The following RUNX1 variants were observed in gnomAD, a reference collection of about 807,000 sequenced individuals.
RUNX1 encodes runt-related transcription factor 1.
A neutral mutation model predicts 42.8 loss-of-function variants in RUNX1; 19 were observed. The ratio of observed to expected loss-of-function variants is 0.44; its 90% CI spans 0.31 to 0.65. The LOEUF is 0.65. Among genes scored for constraint, RUNX1 ranks in the 30% least tolerant of loss-of-function variants. RUNX1 has a pLI of 0.07. For missense variants in RUNX1, 528 were observed against 672.0 expected, an observed-to-expected ratio of 0.79 and a Z score of 2.37; for synonymous variants, 271 against 289.4, an observed-to-expected ratio of 0.94 and a Z score of 0.64.
intron 2 of RUNX1, among the ~76,000 whole-genome samples, chr21:35,040,963 T>C (rs1258720366): frequency 1.3e-5 from 2 of 152,008 alleles, no homozygotes; most frequent in African/African-American, 4.8e-5. Flanking sequence ...GAAAAACATA[T>C]ATATGAAAAC....
At position 34,969,889 on chromosome 21, in the gene RUNX1, T is replaced by C. The variant is rs915577088; in HGVS notation, c.59-76926A>G. The stretch of plus-strand genomic sequence containing the variant: ...CGCTTACTTTGCAAAATTGATCATC[T>C]TGAGGATTGTTTTATGTGGGATACA... On this transcript the variant is annotated intron_variant, in intron 2 of 8. Transcript: ENST00000675419. Among the ~76,000 whole-genome samples, 8 of 152,142 alleles carry C rather than the reference T, an allele frequency of 5.3e-5. 1 individual carries two copies. Among genetic ancestry groups the C allele is most frequent in the African/African-American group, 7.2e-5 (3 of 41,438 alleles).
chr21:34,947,126 A>T (rs2058569211), intron 2 of RUNX1, among the ~76,000 whole-genome samples: 1 of 152,184 alleles, frequency 6.6e-6, no homozygotes, highest in South Asian at 2.1e-4. Context: ...CTGGCTTTGC[A>T]TGTGTCATCT....
chr21:34,968,513 C>T (rs371099433), intron 2 of RUNX1, among the ~76,000 whole-genome samples: 11 of 152,206 alleles, frequency 7.2e-5, no homozygotes, highest in African/African-American at 2.2e-4. Context: ...CCTACCTTAC[C>T]GCTCCTCAGT....
chr21:34,985,277 G>GCTCC (rs1483904362), intron 2 of RUNX1, among the ~76,000 whole-genome samples: 1 of 152,172 alleles, frequency 6.6e-6, no homozygotes, highest in Non-Finnish European at 1.5e-5. Flanking sequence ...GGAGTAATAG[G>GCTCC]CTGCCAGCAG....
intron 2 of RUNX1, among the ~76,000 whole-genome samples, chr21:34,991,812 A>T (rs539865789): frequency 3.8e-4 from 58 of 152,330 alleles, no homozygotes; most frequent in African/African-American, 1.4e-3. Flanking sequence ...AGACGAGGTC[A>T]TCCTGGATTA....
intron 7 of RUNX1, among the ~76,000 whole-genome samples, chr21:34,832,581 T>TAGATGA (rs1425657205): frequency 6.6e-6 from 1 of 152,178 alleles, no homozygotes; most frequent in East Asian, 1.9e-4. Context: ...ATGATGTGAA[T>TAGATGA]TAGTTTTCTG....
intron 5 of RUNX1, among the ~76,000 whole-genome samples, chr21:34,871,822 C>T (rs1162670942): frequency 6.6e-6 from 1 of 151,012 alleles, no homozygotes; most frequent in Non-Finnish European, 1.5e-5. Context: ...GTCAGTGACA[C>T]ACACCAAGAC....
In RUNX1 at chr21:34,817,324, T is replaced by C. The variant is rs186683466; in HGVS notation, c.805+17086A>G. On this transcript the variant is annotated intron_variant, in intron 7 of 8. Transcript: ENST00000675419. ...TGATGTACATACAGAGATACAAGGG[T>C]GGCTGAGCTACAAATGATTTATACT... 2.7e-4 allele frequency among the ~76,000 whole-genome samples: 41 copies of C among 152,332 alleles called. 3 individuals are homozygous for C. The highest frequency in any genetic ancestry group is 2.5e-3 in the Admixed American group (38 of 15,294).
intron 2 of RUNX1, among the ~76,000 whole-genome samples, chr21:35,036,202 A>G (rs879574712): frequency 2.0e-5 from 3 of 152,204 alleles, no homozygotes; most frequent in Non-Finnish European, 4.4e-5. Context: ...TATAGCATGA[A>G]ATTTTTACTT....
At chr21:35,028,405 C>T (rs559358272) in intron 2 of RUNX1, among the ~76,000 whole-genome samples, 326 of 152,298 alleles carry the variant, frequency 2.1e-3, no homozygotes, top group Non-Finnish European at 2.8e-3. Context: ...TGTTCACAGG[C>T]GAGCCTCAGT....
At chr21:34,816,709 G>A (rs1204677962) in intron 7 of RUNX1, among the ~76,000 whole-genome samples, 1 of 152,110 alleles carries the variant, frequency 6.6e-6, no homozygotes. Context: ...GGAGAGGAAG[G>A]AACTTTCTGG....
chr21:34,863,759 T>C (rs890277701), intron 5 of RUNX1, among the ~76,000 whole-genome samples: 17 of 152,204 alleles, frequency 1.1e-4, no homozygotes, highest in Admixed American at 1.0e-3. Context: ...TTTCACTATG[T>C]CAGCCATGCT....
At chr21:34,846,937 C>A (rs566218454) in intron 6 of RUNX1, among the ~76,000 whole-genome samples, 1 of 152,190 alleles carries the variant, frequency 6.6e-6, no homozygotes, top group African/African-American at 2.4e-5. Flanking sequence ...GTTTTTGACT[C>A]GTCCTGGGAA....
chr21:35,017,211 T>C (rs1182862850), intron 2 of RUNX1, among the ~76,000 whole-genome samples: 2 of 152,178 alleles, frequency 1.3e-5, no homozygotes, highest in Non-Finnish European at 2.9e-5. Flanking sequence ...AGCCTTTCTT[T>C]CCAGAGTTTG....
At chr21:34,853,806 C>T (rs1031980319) in intron 6 of RUNX1, among the ~76,000 whole-genome samples, 2 of 137,264 alleles carry the variant, frequency 1.5e-5, no homozygotes, top group Non-Finnish European at 3.1e-5. Flanking sequence ...TCCTTCCCTT[C>T]CTTCCTTCAT....
At chr21:34,794,251 T>C (rs1386286690) in intron 8 of RUNX1, among the ~76,000 whole-genome samples, 1 of 152,082 alleles carries the variant, frequency 6.6e-6, no homozygotes, top group African/African-American at 2.4e-5. Context: ...TGATAGAAAA[T>C]TGCCATTTTT....
rs769087155 is a variant in RUNX1 at position 34,887,072 on chromosome 21, G to A, written c.122C>T (p.Thr41Met). 4.4e-6 allele frequency: 7 copies of A among 1,599,066 alleles called. No homozygotes were observed. The highest frequency in any genetic ancestry group is 3.3e-4 in the Middle Eastern group (2 of 6,082). ...TGGGCTCAGCGCGGTGGAAGGCGGC[G>A]TGAAGCGGCGGCTCGTGCTGGCATC... ...VHDASTSRRFTPPSTALSPGK... is the reference protein window; with the variant it reads ...VHDASTSRRFMPPSTALSPGK... Residue 41 changes from threonine (T) to methionine (M), a missense_variant, in exon 4 of 9, where the codon ACG becomes ATG. By Grantham distance (81) the Thr-to-Met change is moderately conservative. Around this residue, in one of 3 missense-constraint regions of RUNX1, gnomAD observed 114 missense variants for 115.0 expected, o/e 0.99. Transcript: ENST00000675419.
At chr21:34,948,100 T>G (rs9981466) in intron 2 of RUNX1, among the ~76,000 whole-genome samples, 17,573 of 148,320 alleles carry the variant, frequency 0.12, 1,412 homozygotes, top group African/African-American at 0.23. Flanking sequence ...TTTTTTTTTT[T>G]GGGGGGGGGT....
intron 2 of RUNX1, among the ~76,000 whole-genome samples, chr21:35,015,826 G>A (rs928151787): frequency 2.6e-5 from 4 of 152,204 alleles, no homozygotes; most frequent in East Asian, 1.9e-4. Context: ...ATTCAGAGAG[G>A]TGGACAGGTC....
Sources: gnomAD v4.1 joint callset for allele counts (sites outside exome capture counted in the v4.1 genomes callset) on GRCh38, gnomAD v4.1.1 for gene constraint, gnomAD v4.1.1 regional missense constraint, MANE v1.5 for transcripts, NCBI Gene and HGNC (gene_info 2026-07-23, HGNC 2026-07-21) for gene names.